SRCAP: variants seen among roughly 807,000 people sequenced by gnomAD.
The protein encoded by SRCAP is Snf2 related CREBBP activator protein.
A neutral mutation model predicts 263.1 loss-of-function variants in SRCAP; 46 were observed. That is an observed-to-expected ratio of 0.17 (90% CI 0.14 to 0.22). SRCAP has a LOEUF of 0.22. SRCAP is among the 10% of genes least tolerant of loss of function. The pLI, the probability that SRCAP is intolerant of heterozygous loss-of-function variation, is 1.00. For synonymous variants in SRCAP, 1,813 were observed against 1,662.1 expected (o/e 1.09, Z -2.21); for missense variants, 3,695 against 4,181.9 (o/e 0.88, Z 3.21).
intron 25 of SRCAP, among the ~76,000 whole-genome samples, chr16:30,728,586 T>C (rs1191230539): frequency 2.0e-5 from 3 of 152,220 alleles, no homozygotes; most frequent in African/African-American, 7.2e-5. Flanking sequence ...AAGAAGGCTA[T>C]AGTCCTGGAG....
At position 30,720,332 on chromosome 16, in the gene SRCAP, G is replaced by C. The variant is rs768867871; in HGVS notation, c.2987+1G>C. 6.2e-7 allele frequency: 1 copy of C among 1,611,546 alleles called. No individual in the cohort carries two copies. On this transcript the variant is annotated splice_donor_variant, in intron 19 of 33. Transcript: ENST00000262518. LOFTEE classifies it high-confidence loss of function. ...AGCCAGTCAAGATGAAGGTCAACAG[G>C]TACAAGGACTAAGGAATGAGGGGAT...
chr16:30,704,341 A>G (rs771609780), intron 4 of SRCAP, 26 bp downstream of exon 4: 39 of 1,555,812 alleles, frequency 2.5e-5, no homozygotes, highest in Non-Finnish European at 3.4e-5. Flanking sequence ...GCTTATGAAG[A>G]TTCTTGGGAG....
intron 27 of SRCAP, among the ~76,000 whole-genome samples, chr16:30,731,671 A>G (rs935512774): frequency 6.6e-6 from 1 of 151,736 alleles, no homozygotes; most frequent in Non-Finnish European, 1.5e-5. Context: ...AGACCAGCCC[A>G]GGCAACATGG....
chr16:30,727,268 G>A (rs2053072906), intron 25 of SRCAP, among the ~76,000 whole-genome samples: 1 of 152,200 alleles, frequency 6.6e-6, no homozygotes, highest in Non-Finnish European at 1.5e-5. Flanking sequence ...CTGGCCATTT[G>A]TGTATCTTTG....
intron 6 of SRCAP, among the ~76,000 whole-genome samples, chr16:30,708,544 C>T (rs1316417151): frequency 6.6e-6 from 1 of 151,906 alleles, no homozygotes; most frequent in African/African-American, 2.4e-5. Flanking sequence ...CAGGCATGTG[C>T]CACTATGTCT....
Position 30,723,376 on chromosome 16 carries a change from G to A in SRCAP, c.4159+147G>A, listed in dbSNP as rs557935815. ...TGGGCCCCAGAACTGGGCTGCCTGAGCCCTGACCTAATTTCAAGATCTATT... is the reference window on the plus strand; with the variant it reads ...TGGGCCCCAGAACTGGGCTGCCTGAACCCTGACCTAATTTCAAGATCTATT... On this transcript the variant is annotated intron_variant, in intron 24 of 33. Transcript: ENST00000262518. 5 of 1,427,694 alleles carry A rather than the reference G, an allele frequency of 3.5e-6. No homozygotes were observed. In the African/African-American group the frequency reaches 5.7e-5, roughly 16 times the overall value. 88.4% of individuals were successfully genotyped at this position (1,427,694 alleles called of 1,614,324 possible).
chr16:30,731,607 T>TAC (rs1470754975), intron 27 of SRCAP, among the ~76,000 whole-genome samples: 1 of 152,228 alleles, frequency 6.6e-6, no homozygotes, highest in East Asian at 1.9e-4. Flanking sequence ...GACTCATACT[T>TAC]GTAATCCCAG....
intron 25 of SRCAP, among the ~76,000 whole-genome samples, chr16:30,728,479 CG>C (rs1432705420): frequency 6.6e-6 from 1 of 152,158 alleles, no homozygotes; most frequent in Non-Finnish European, 1.5e-5. Flanking sequence ...CTCGGATGTC[CG>C]GTTAGCTGTT....
intron 19 of SRCAP, among the ~76,000 whole-genome samples, 171 bp downstream of exon 19, chr16:30,720,502 A>G (rs1477946870): frequency 1.3e-5 from 2 of 152,124 alleles, no homozygotes; most frequent in Admixed American, 1.3e-4. Flanking sequence ...GGGTACTGGG[A>G]TGGGCTTCTG....
chr16:30,726,933 C>T, intron 25 of SRCAP, among the ~76,000 whole-genome samples: 1 of 152,164 alleles, frequency 6.6e-6, no homozygotes, highest in East Asian at 1.9e-4. Flanking sequence ...AACTCCTGAC[C>T]TCAGGTGATC....
rs746756460 is a variant in SRCAP at position 30,734,590 on chromosome 16, G to A, written c.6704G>A (p.Ser2235Asn). Residue 2235 changes from serine (S) to asparagine (N), a missense_variant, in exon 31 of 34, where the codon AGC becomes AAC. Physicochemically the swap from Ser to Asn is conservative, Grantham distance 46 (BLOSUM62 1). Transcript: ENST00000262518. ...GAAGAGGAGGAAGAGACTGTGGCCA[G>A]CAAGCAGACTCATATTCTGGAGCAG... is the stretch of plus-strand genomic sequence containing the variant. ...APEEEEETVA[S>N]KQTHILEQAL... 1 of 1,614,112 alleles carries A rather than the reference G, an allele frequency of 6.2e-7. No homozygotes were observed. The highest frequency in any genetic ancestry group is 8.5e-7 in the Non-Finnish European group (1 of 1,180,000).
Position 30,736,351 on chromosome 16 carries a change from A to C in SRCAP, c.6881A>C (p.Glu2294Ala). The change falls in exon 32 of 34, where the codon GAG becomes GCG. Residue 2294 changes from glutamate (E) to alanine (A), a missense_variant. By Grantham distance (107) the Glu-to-Ala change is moderately radical. Around this residue, in one of 12 missense-constraint regions of SRCAP, gnomAD observed 91 missense variants for 150.6 expected, o/e 0.60. Transcript: ENST00000262518. The stretch of plus-strand genomic sequence containing the variant: ...GGCCGGCCTGGGGCTGAGGATGAGG[A>C]GATGTCCCGGGCTGAGCAGGAAATT... ...EAGRPGAEDE[E>A]MSRAEQEIAA... 6.2e-7 allele frequency: 1 copy of C among 1,613,862 alleles called. No homozygotes were observed. Among genetic ancestry groups the C allele is most frequent in the Non-Finnish European group, 8.5e-7 (1 of 1,179,918 alleles).
Position 30,733,157 on chromosome 16 carries a change from G to T in SRCAP, c.6128-123G>T. 1 of 1,150,462 alleles carries T rather than the reference G, an allele frequency of 8.7e-7. No homozygotes were observed. The highest frequency in any genetic ancestry group is 2.4e-5 in the East Asian group (1 of 42,284). 71.3% of individuals were successfully genotyped at this position (1,150,462 alleles called of 1,614,324 possible). On this transcript the variant is annotated intron_variant, in intron 27 of 33. Coordinates refer to ENST00000262518, the MANE Select transcript of SRCAP (RefSeq NM_006662.3). The surrounding 1 kb of genome is among the most constrained non-coding windows in gnomAD (Gnocchi z 5.3). ...TGCCGTAGTTAAACATTTTTGATCT[G>T]CTAGGCTAATTGAAACTTTGGCTTA...
chr16:30,722,406 A>C lies in SRCAP; in HGVS notation c.3706+120A>C, dbSNP rs188637464. 4.6e-6 allele frequency: 7 copies of C among 1,516,056 alleles called. No individual in the cohort carries two copies. The Admixed American group carries it at 1.0e-4, about 22-fold the overall frequency. The allele number at this position is 1,516,056 out of a possible 1,614,324, so 93.9% of individuals were successfully genotyped here. On this transcript the variant is annotated intron_variant, in intron 22 of 33. Coordinates refer to ENST00000262518, the MANE Select transcript of SRCAP (RefSeq NM_006662.3). ...ACCCAAGCTTTTGGTGGGTGGGGCCAACGGGCATGGTTGGAGGGATCTTGG... is the reference window on the plus strand; with the variant it reads ...ACCCAAGCTTTTGGTGGGTGGGGCCCACGGGCATGGTTGGAGGGATCTTGG...
intron 21 of SRCAP, among the ~76,000 whole-genome samples, chr16:30,721,802 A>C (rs1188612478): frequency 6.6e-6 from 1 of 152,238 alleles, no homozygotes; most frequent in African/African-American, 2.4e-5. Context: ...ATAGATGAAT[A>C]AATAGTGGTA....
intron 3 of SRCAP, among the ~76,000 whole-genome samples, chr16:30,703,199 C>T (rs764222828): frequency 4.4e-4 from 65 of 146,712 alleles, no homozygotes; most frequent in South Asian, 2.1e-4. Flanking sequence ...TTTCCTTTTC[C>T]TTTCCGAGAC....
At chr16:30,734,385 C>A in intron 30 of SRCAP, 111 bp from the exon 31 acceptor site, 2 of 1,478,638 alleles carry the variant, frequency 1.4e-6, no homozygotes, top group South Asian at 1.3e-5. Context: ...CACAGACGTG[C>A]GTCTTCAACC....
rs764003077 is a variant in SRCAP, at chr16:30,737,996, G to C, written c.7956G>C (p.Leu2652=). 21 of 1,614,114 alleles carry C rather than the reference G, an allele frequency of 1.3e-5. No individual in the cohort carries two copies. The highest frequency in any genetic ancestry group is 1.7e-5 in the Non-Finnish European group (20 of 1,180,028). The change falls in exon 34 of 34, where the codon CTG becomes CTC. Residue 2652 remains leucine, a synonymous_variant. Coordinates refer to ENST00000262518, the MANE Select transcript of SRCAP (RefSeq NM_006662.3). ...LPLCVSESNG[L]ELPPSAASDE... is the part of the protein sequence containing the mutation. ...TGTGTGTGAGTGAGAGCAATGGCCT[G>C]GAGCTCCCACCCTCAGCAGCATCTG...
intron 4 of SRCAP, among the ~76,000 whole-genome samples, chr16:30,705,243 T>C (rs1415690906): frequency 1.3e-5 from 2 of 152,026 alleles, no homozygotes; most frequent in Admixed American, 1.3e-4. Context: ...GAGGTTGCAG[T>C]GACCTGAGAT....
Sources: allele counts gnomAD v4.1 joint callset (sites outside exome capture counted in the v4.1 genomes callset), GRCh38; gene constraint gnomAD v4.1.1; regional missense constraint gnomAD v4.1.1; non-coding constraint Gnocchi (gnomAD v3.1); transcripts MANE v1.5; gene names NCBI Gene and HGNC (gene_info 2026-07-23, HGNC 2026-07-21).